The following CHN1 variants were observed in gnomAD, a reference collection of about 807,000 sequenced individuals.
CHN1 encodes the protein N-chimaerin.
CHN1 carries 37 observed loss-of-function variants against 59.5 expected under a neutral mutation model. The observed-to-expected ratio is 0.62, with a 90% CI of 0.48 to 0.82. The LOEUF is 0.82. Ranked by LOEUF, CHN1 falls within the 40% of genes least tolerant of loss-of-function variation. The probability of loss-of-function intolerance (pLI) is 0.00; values close to 1 mark genes in which losing one functional copy is unlikely to be tolerated. For missense variants in CHN1, 469 were observed against 571.0 expected, an observed-to-expected ratio of 0.82 and a Z score of 1.82; for synonymous variants, 206 against 200.4, an observed-to-expected ratio of 1.03 and a Z score of -0.24.
chr2:174,840,904 A>G (rs1003909555), intron 7 of CHN1, among the ~76,000 whole-genome samples: 4 of 152,148 alleles, frequency 2.6e-5, no homozygotes, highest in African/African-American at 9.7e-5. Flanking sequence ...ATATAGTAGA[A>G]AGCTTGAATG....
At chr2:174,922,928 C>T (rs369354088) in intron 3 of CHN1, among the ~76,000 whole-genome samples, 3 of 151,936 alleles carry the variant, frequency 2.0e-5, no homozygotes, top group Admixed American at 6.6e-5. Flanking sequence ...CACATACACA[C>T]GTAATATGTA....
intron 1 of CHN1, among the ~76,000 whole-genome samples, chr2:174,985,660 A>C (rs1447665634): frequency 6.6e-6 from 1 of 152,180 alleles, no homozygotes; most frequent in African/African-American, 2.4e-5. Flanking sequence ...TACAGATCCC[A>C]GTGTGTTTTA....
At position 175,005,049 on chromosome 2, in the gene CHN1, G is replaced by C; in HGVS notation, c.-137C>G. ...GGGCGTGCTGGGGGCGCCGGCGCCC[G>C]GGGAGGCTGCAGGCCGGGACGCGGG... On this transcript the variant is annotated 5_prime_UTR_variant, in exon 1 of 13. Transcript: ENST00000409900. 2 of 1,369,726 alleles carry C rather than the reference G, an allele frequency of 1.5e-6. No homozygotes were observed. Among genetic ancestry groups the C allele is most frequent in the South Asian group, 1.5e-5 (1 of 66,180 alleles). The allele number at this position is 1,369,726 out of a possible 1,614,324, so 84.8% of individuals were successfully genotyped here. A position where few individuals can be genotyped will look rare whatever the true frequency, so the allele number is the denominator to read the frequency against.
chr2:174,969,970 C>T (rs1690710255), intron 1 of CHN1, among the ~76,000 whole-genome samples: 1 of 152,152 alleles, frequency 6.6e-6, no homozygotes, highest in Admixed American at 6.5e-5. Context: ...TTTTTCACTA[C>T]ACTGACATTT....
chr2:174,882,013 A>G (rs1255034569), intron 5 of CHN1, among the ~76,000 whole-genome samples: 1 of 152,210 alleles, frequency 6.6e-6, no homozygotes, highest in Non-Finnish European at 1.5e-5. Flanking sequence ...AAAACTGTTG[A>G]GGCTAAATCA....
intron 1 of CHN1, among the ~76,000 whole-genome samples, chr2:174,985,312 T>C (rs1312157032): frequency 6.6e-6 from 1 of 152,146 alleles, no homozygotes; most frequent in Non-Finnish European, 1.5e-5. Context: ...ACAGTAAACA[T>C]CTAAAGCAGT....
At chr2:174,900,455 G>A (rs1688350791) in intron 5 of CHN1, among the ~76,000 whole-genome samples, 1 of 152,090 alleles carries the variant, frequency 6.6e-6, no homozygotes, top group Non-Finnish European at 1.5e-5. Flanking sequence ...AGTGAGCTAT[G>A]ATCATACTCC....
At chr2:174,984,583 G>A (rs891507308) in intron 1 of CHN1, among the ~76,000 whole-genome samples, 1 of 152,036 alleles carries the variant, frequency 6.6e-6, no homozygotes, top group African/African-American at 2.4e-5. Context: ...TGGCCAGGAT[G>A]GTCTCGATCC....
intron 1 of CHN1, among the ~76,000 whole-genome samples, chr2:174,985,275 C>T (rs1428563711): frequency 6.6e-6 from 1 of 152,082 alleles, no homozygotes; most frequent in Non-Finnish European, 1.5e-5. Flanking sequence ...AACATCATTC[C>T]CTTCCCTAAT....
chr2:174,883,795 TA>T (rs929459597), intron 5 of CHN1, among the ~76,000 whole-genome samples: 2 of 149,580 alleles, frequency 1.3e-5, no homozygotes, highest in Admixed American at 1.3e-4. Context: ...TAGAATCCTG[TA>T]AAAAAAAGGA....
chr2:174,890,734 T>G (rs1688019505), intron 5 of CHN1, among the ~76,000 whole-genome samples: 1 of 151,998 alleles, frequency 6.6e-6, no homozygotes, highest in Admixed American at 6.6e-5. Context: ...CAACTGAACC[T>G]AATAGGCACA....
intron 1 of CHN1, among the ~76,000 whole-genome samples, chr2:175,000,635 G>A (rs1226073723): frequency 6.6e-6 from 1 of 151,962 alleles, no homozygotes; most frequent in Non-Finnish European, 1.5e-5. Context: ...GTAAAGGTGG[G>A]GATTCACCAT....
At chr2:175,001,596 TGGTAACAAGAATA>T (rs1287040597) in intron 1 of CHN1, among the ~76,000 whole-genome samples, 1 of 152,118 alleles carries the variant, frequency 6.6e-6, no homozygotes, top group African/African-American at 2.4e-5. Context: ...GGTGACTAAA[TGGTAACAAGAATA>T]AGGGGCAAGG....
intron 1 of CHN1, among the ~76,000 whole-genome samples, chr2:174,961,982 G>A (rs994284508): frequency 2.0e-5 from 3 of 152,026 alleles, no homozygotes; most frequent in African/African-American, 7.2e-5. Flanking sequence ...GGATAGAGTG[G>A]GGTTAATAAA....
At chr2:174,807,624 A>G (rs1356879902) in intron 11 of CHN1, among the ~76,000 whole-genome samples, 2 of 152,058 alleles carry the variant, frequency 1.3e-5, no homozygotes, top group East Asian at 1.9e-4. Context: ...CACTGCGTCC[A>G]TAAGAGACCT....
rs1428391069 is a variant in CHN1, at chr2:174,809,016, T to C, written c.991A>G (p.Asn331Asp). The change falls in exon 11 of 13, where the codon AAC (asparagine) becomes GAC (aspartate). Residue 331 changes from asparagine to aspartate, a missense_variant. Asn to Asp is a conservative substitution (Grantham distance 23). This residue lies in a region of CHN1 where 225 missense variants were observed against 289.9 expected (regional missense o/e 0.78). Transcript: ENST00000409900. ...RDGEKADISV[N>D]MYEDINIITG... ...ATAATGTTGATATCTTCATACATGTTCACAGAAATATCTGCCTTCTCACCA... is the reference window on the plus strand; with the variant it reads ...ATAATGTTGATATCTTCATACATGTCCACAGAAATATCTGCCTTCTCACCA... The C allele has an allele frequency of 3.7e-6, 6 of 1,609,914 alleles. No individual in the cohort carries two copies. The highest frequency in any genetic ancestry group is 5.1e-6 in the Non-Finnish European group (6 of 1,178,226).
intron 1 of CHN1, among the ~76,000 whole-genome samples, chr2:174,980,291 G>C (rs1275983089): frequency 6.6e-6 from 1 of 151,958 alleles, no homozygotes; most frequent in Non-Finnish European, 1.5e-5. Flanking sequence ...TTGTTTACTT[G>C]AAAACAAAAT....
Position 174,799,835 on chromosome 2 carries a change from C to T in CHN1, c.*281G>A, listed in dbSNP as rs1160557466. ...TGCAGGCGCAGGTTTGTTGTTTCTT[C>T]TGTATGGGGTTTCCTTGCCAGATAG... is the stretch of plus-strand genomic sequence containing the variant. On this transcript the variant is annotated 3_prime_UTR_variant, in exon 13 of 13. Coordinates refer to ENST00000409900, the MANE Select transcript of CHN1 (RefSeq NM_001822.7). 1 of 567,082 alleles carries T rather than the reference C, an allele frequency of 1.8e-6. No individual in the cohort carries two copies. The highest frequency in any genetic ancestry group is 1.5e-5 in the South Asian group (1 of 65,470). 35.1% of individuals were successfully genotyped at this position (567,082 alleles called of 1,614,324 possible).
chr2:174,818,985 CAAAT>C (rs1355711437), intron 8 of CHN1, among the ~76,000 whole-genome samples: 6 of 151,962 alleles, frequency 3.9e-5, no homozygotes, highest in Non-Finnish European at 5.9e-5. Flanking sequence ...TAAATAATGG[CAAAT>C]AAAAACTTGT....
Sources: gnomAD v4.1 joint callset for allele counts (sites outside exome capture counted in the v4.1 genomes callset) on GRCh38, gnomAD v4.1.1 for gene constraint, gnomAD v4.1.1 regional missense constraint, MANE v1.5 for transcripts, NCBI Gene and HGNC (gene_info 2026-07-23, HGNC 2026-07-21) for gene names.